The following FYN variants were observed in gnomAD, a reference collection of about 807,000 sequenced individuals.
FYN encodes FYN proto-oncogene, Src family tyrosine kinase, also known as tyrosine-protein kinase Fyn.
FYN carries 10 observed loss-of-function variants against 70.2 expected under a neutral mutation model. The observed-to-expected ratio is 0.14, with a 90% CI of 0.09 to 0.24. The LOEUF is 0.24. FYN is among the 10% of genes least tolerant of loss of function. FYN has a pLI of 1.00. For synonymous variants in FYN, 236 were observed against 248.6 expected (o/e 0.95, Z 0.48); for missense variants, 319 against 673.1 (o/e 0.47, Z 5.82).
intron 8 of FYN, among the ~76,000 whole-genome samples, chr6:111,701,343 C>T (rs1562479656): frequency 6.6e-6 from 1 of 152,160 alleles, no homozygotes. Context: ...GGACAGACCT[C>T]CCGCTCCCTC....
At chr6:111,782,633 T>C (rs537843489) in intron 2 of FYN, among the ~76,000 whole-genome samples, 86 of 152,322 alleles carry the variant, frequency 5.6e-4, no homozygotes, top group African/African-American at 1.9e-3. Context: ...AGGGCGCCTG[T>C]GTGACACAAG....
chr6:111,853,211 T>C lies in FYN; in HGVS notation c.-122-6582A>G, dbSNP rs138667677. Among the ~76,000 whole-genome samples, 151 of 152,334 alleles carry C rather than the reference T, an allele frequency of 9.9e-4. 1 individual carries two copies. The Middle Eastern group carries it at 0.014, about 14-fold the overall frequency. The stretch of plus-strand genomic sequence containing the variant: ...AGACCACGGAATCAGAATGGTTTTA[T>C]GCATTGTAAGACTTCCACTAATGGA... On this transcript the variant is annotated intron_variant, in intron 1 of 13. Coordinates refer to ENST00000354650, the MANE Select transcript of FYN (RefSeq NM_002037.5).
chr6:111,669,145 G>C (rs1258120470), intron 13 of FYN, among the ~76,000 whole-genome samples: 3 of 152,140 alleles, frequency 2.0e-5, no homozygotes, highest in African/African-American at 7.2e-5. Flanking sequence ...GCTTAAGAAA[G>C]TGTTCCTGGC....
At chr6:111,788,764 A>C (rs1436427750) in intron 2 of FYN, among the ~76,000 whole-genome samples, 1 of 152,244 alleles carries the variant, frequency 6.6e-6, no homozygotes. Flanking sequence ...GCATACAAAC[A>C]AAGCCCAATT....
At chr6:111,713,905 T>C (rs804184) in intron 5 of FYN, among the ~76,000 whole-genome samples, 59,491 of 152,156 alleles carry the variant, frequency 0.39, 16,448 homozygotes, top group African/African-American at 0.78. Flanking sequence ...GTTTATAAAA[T>C]AAAGAACTTG....
At chr6:111,734,449 T>G (rs1458265509) in intron 3 of FYN, among the ~76,000 whole-genome samples, 1 of 152,230 alleles carries the variant, frequency 6.6e-6, no homozygotes, top group African/African-American at 2.4e-5. Context: ...GTACTCTTTC[T>G]TACTACAGTT....
At chr6:111,716,609 C>T (rs948987680) in intron 4 of FYN, among the ~76,000 whole-genome samples, 2 of 151,528 alleles carry the variant, frequency 1.3e-5, no homozygotes, top group African/African-American at 4.9e-5. Flanking sequence ...TAACTAAGTG[C>T]CATACTCGTC....
intron 2 of FYN, among the ~76,000 whole-genome samples, chr6:111,782,794 G>T: frequency 6.6e-6 from 1 of 152,162 alleles, no homozygotes; most frequent in Non-Finnish European, 1.5e-5. Flanking sequence ...ATCCATGCTG[G>T]TGAGGCCAGG....
intron 3 of FYN, among the ~76,000 whole-genome samples, chr6:111,744,941 T>C (rs1424436185): frequency 1.3e-5 from 2 of 152,182 alleles, no homozygotes; most frequent in South Asian, 2.1e-4. Context: ...CAAAGAATAT[T>C]GTCATGTTCT....
At chr6:111,663,011 A>C (rs921957081) in intron 13 of FYN, among the ~76,000 whole-genome samples, 1 of 152,198 alleles carries the variant, frequency 6.6e-6, no homozygotes, top group African/African-American at 2.4e-5. Flanking sequence ...GGCTGCCTTA[A>C]CACTACAGGA....
At chr6:111,749,069 G>A (rs148365426) in intron 3 of FYN, among the ~76,000 whole-genome samples, 9 of 152,214 alleles carry the variant, frequency 5.9e-5, no homozygotes, top group African/African-American at 2.2e-4. Context: ...GTTACCTAAG[G>A]TAAACCACTC....
At chr6:111,792,226 C>T (rs1771649974) in intron 2 of FYN, among the ~76,000 whole-genome samples, 1 of 152,054 alleles carries the variant, frequency 6.6e-6, no homozygotes, top group African/African-American at 2.4e-5. Flanking sequence ...ATCCAAATGG[C>T]CAATAAACAT....
At chr6:111,776,993 C>T (rs1770967417) in intron 3 of FYN, among the ~76,000 whole-genome samples, 1 of 152,188 alleles carries the variant, frequency 6.6e-6, no homozygotes, top group Non-Finnish European at 1.5e-5. Context: ...TTCATCACAC[C>T]AGAACCGCCT....
intron 2 of FYN, among the ~76,000 whole-genome samples, chr6:111,828,036 G>C (rs1162007607): frequency 6.6e-6 from 1 of 152,160 alleles, no homozygotes; most frequent in Admixed American, 6.5e-5. Context: ...TGACAGTGTT[G>C]TTCTAGAGTA....
At chr6:111,849,186 A>C (rs1773615307) in intron 1 of FYN, among the ~76,000 whole-genome samples, 1 of 152,236 alleles carries the variant, frequency 6.6e-6, no homozygotes, top group East Asian at 1.9e-4. Flanking sequence ...TGACCCAGAT[A>C]GCCCAGTGGA....
At chr6:111,726,689 C>T (rs1156502442) in intron 3 of FYN, among the ~76,000 whole-genome samples, 2 of 152,146 alleles carry the variant, frequency 1.3e-5, no homozygotes, top group South Asian at 2.1e-4. Context: ...TTCCACAGAG[C>T]TCAATATCTC....
intron 2 of FYN, among the ~76,000 whole-genome samples, chr6:111,834,262 G>A (rs1333674388): frequency 6.6e-6 from 1 of 152,034 alleles, no homozygotes; most frequent in East Asian, 1.9e-4. Context: ...TGCAGGATGA[G>A]TAAGAGGATT....
rs1484267673 is a variant in FYN at position 111,696,411 on chromosome 6, G to A, written c.908C>T (p.Pro303Leu). ...GAATGATTCGGGGGACATTGTGCCT[G>A]GTTTAAGAGTCTTTATGGCTACTTT... ...NTKVAIKTLKPGTMSPESFLE... is the reference protein window; with the variant it reads ...NTKVAIKTLKLGTMSPESFLE... The change falls in exon 10 of 14, where the codon CCA becomes CTA. Residue 303 changes from proline to leucine, a missense_variant. Pro to Leu is a moderately conservative substitution (Grantham distance 98, BLOSUM62 -3). Around this residue, in one of 4 missense-constraint regions of FYN, gnomAD observed 112 missense variants for 250.2 expected, o/e 0.45. Coordinates refer to ENST00000354650, the MANE Select transcript of FYN (RefSeq NM_002037.5). The A allele has an allele frequency of 6.2e-7, 1 of 1,611,656 alleles. No homozygotes were observed.
chr6:111,716,960 A>ATTT (rs956344728), intron 4 of FYN, among the ~76,000 whole-genome samples: 1 of 151,778 alleles, frequency 6.6e-6, no homozygotes, highest in African/African-American at 2.4e-5. Flanking sequence ...AATTTTTTGT[A>ATTT]TTTTTAGTAG....
Sources: gnomAD v4.1 joint callset for allele counts (sites outside exome capture counted in the v4.1 genomes callset) on GRCh38, gnomAD v4.1.1 for gene constraint, gnomAD v4.1.1 regional missense constraint, MANE v1.5 for transcripts, NCBI Gene and HGNC (gene_info 2026-07-23, HGNC 2026-07-21) for gene names.